The following NAA11 variants were observed in gnomAD, a reference collection of about 807,000 sequenced individuals.
NAA11 encodes N-alpha-acetyltransferase 11, NatA catalytic subunit, also known as N-alpha-acetyltransferase 11.
Under a neutral mutation model 16.1 loss-of-function variants are expected in NAA11, and 15 were observed. The ratio of observed to expected loss-of-function variants is 0.93; its 90% CI spans 0.62 to 1.44. The LOEUF (loss-of-function observed/expected upper bound fraction) is 1.44, where lower values mean the gene tolerates loss of function less well. NAA11 is among the 40% of genes most tolerant of loss of function. The pLI is 0.00. For missense variants in NAA11, 298 were observed against 291.3 expected (o/e 1.02, Z -0.17); for synonymous variants, 122 against 112.4 (o/e 1.09, Z -0.54).
chr4:79,305,306 T>C (rs1393744668), intron 1 of NAA11: 1 of 152,206 alleles, frequency 6.6e-6, no homozygotes, highest in Non-Finnish European at 1.5e-5. Context: ...TATCCAAAAA[T>C]CTTGGAAAAC....
downstream of NAA11, among the ~76,000 whole-genome samples, chr4:79,314,517 A>G (rs114427005): frequency 6.0e-3 from 909 of 152,162 alleles, 8 homozygotes; most frequent in African/African-American, 0.021. Context: ...CACCCAGGTG[A>G]TTCCGATGCA....
chr4:79,200,249 G>A, the NAA11 span, among the ~76,000 whole-genome samples: 145 of 151,860 alleles, frequency 9.5e-4, no homozygotes, highest in African/African-American at 3.3e-3. Context: ...GATTAAATAA[G>A]TTAATATACC....
chr4:79,314,155 C>T (rs1415966883), downstream of NAA11, among the ~76,000 whole-genome samples: 3 of 152,152 alleles, frequency 2.0e-5, no homozygotes, highest in African/African-American at 4.8e-5. Flanking sequence ...AATGTTCACA[C>T]GTACTTTTAA....
chr4:79,311,216 G>A (rs1723760908), intron 1 of NAA11, among the ~76,000 whole-genome samples: 1 of 151,870 alleles, frequency 6.6e-6, no homozygotes, highest in South Asian at 2.1e-4. Flanking sequence ...GAATTGTACT[G>A]GCATGCAAAA....
chr4:79,198,097 TTTGTTA>T, the NAA11 span, among the ~76,000 whole-genome samples: 10 of 152,046 alleles, frequency 6.6e-5, no homozygotes, highest in Admixed American at 3.3e-4. Context: ...TCCCAAGTAG[TTTGTTA>T]AACAGATCTC....
At chr4:79,173,340 T>A in the NAA11 span, among the ~76,000 whole-genome samples, 1 of 152,036 alleles carries the variant, frequency 6.6e-6, no homozygotes, top group Non-Finnish European at 1.5e-5. Flanking sequence ...TACATGGTGG[T>A]ACTCTACGGT....
chr4:79,169,793 A>AG, the NAA11 span, among the ~76,000 whole-genome samples: 1 of 152,148 alleles, frequency 6.6e-6, no homozygotes, highest in African/African-American at 2.4e-5. Flanking sequence ...AACAACACCA[A>AG]GGGGAACATC....
chr4:79,316,123 T>A (rs1430259253), downstream of NAA11, among the ~76,000 whole-genome samples: 1 of 152,196 alleles, frequency 6.6e-6, no homozygotes, highest in Non-Finnish European at 1.5e-5. Flanking sequence ...TTTCTCCATC[T>A]GCTAAGCTGT....
At chr4:79,221,983 T>C (rs539240099), downstream of NAA11, among the ~76,000 whole-genome samples, 148 of 145,922 alleles carry the variant, frequency 1.0e-3, 1 homozygote, top group African/African-American at 3.3e-3. Context: ...TGGTAGAATT[T>C]GGCTGTGAAT....
chr4:79,172,700 C>T, the NAA11 span, among the ~76,000 whole-genome samples: 4 of 152,006 alleles, frequency 2.6e-5, no homozygotes, highest in Admixed American at 6.6e-5. Flanking sequence ...CCATATCCTT[C>T]GCTCTTCTCT....
intron 2 of NAA11, among the ~76,000 whole-genome samples, chr4:79,275,934 AG>A (rs1028759340): frequency 2.6e-5 from 4 of 152,130 alleles, no homozygotes; most frequent in African/African-American, 4.8e-5. Flanking sequence ...CTTACAAAAT[AG>A]GGGGAGGAGA....
chr4:79,243,462 C>A (rs1469104066), intron 2 of NAA11, among the ~76,000 whole-genome samples: 2 of 152,224 alleles, frequency 1.3e-5, no homozygotes, highest in African/African-American at 4.8e-5. Flanking sequence ...TTATCTCGTT[C>A]ATTTTTTGAA....
At chr4:79,173,790 G>A in the NAA11 span, among the ~76,000 whole-genome samples, 2 of 152,112 alleles carry the variant, frequency 1.3e-5, no homozygotes, top group African/African-American at 4.8e-5. Context: ...GACAATGTTA[G>A]CTTTATTTCT....
At chr4:79,228,841 T>A (rs1044138039) in intron 2 of NAA11, among the ~76,000 whole-genome samples, 6 of 152,074 alleles carry the variant, frequency 3.9e-5, no homozygotes, top group Non-Finnish European at 5.9e-5. Flanking sequence ...GTAGAATTAC[T>A]GAATTATATG....
intron 1 of NAA11, among the ~76,000 whole-genome samples, chr4:79,300,173 A>T (rs1395532844): frequency 1.3e-5 from 2 of 152,204 alleles, no homozygotes. Context: ...CATTCACTGG[A>T]TGTAGGCAAT....
intron 1 of NAA11, among the ~76,000 whole-genome samples, chr4:79,307,445 AT>A (rs200669891): frequency 0.01 from 1,562 of 151,796 alleles, 29 homozygotes; most frequent in African/African-American, 0.036. Context: ...TTGGCTGAGG[AT>A]TTTTTTTTAT....
chr4:79,197,976 C>T, the NAA11 span, among the ~76,000 whole-genome samples: 1 of 69,334 alleles, frequency 1.4e-5, no homozygotes, highest in Non-Finnish European at 3.5e-5. Context: ...TAACTTTAAG[C>T]AGATTTAAAG....
At chr4:79,158,368 CA>C in the NAA11 span, among the ~76,000 whole-genome samples, 2 of 151,902 alleles carry the variant, frequency 1.3e-5, no homozygotes, top group African/African-American at 4.8e-5. Flanking sequence ...ACAATAGGTG[CA>C]AAAAACCCCC....
downstream of NAA11, among the ~76,000 whole-genome samples, chr4:79,223,564 T>G (rs1335659842): frequency 2.0e-5 from 3 of 150,580 alleles, no homozygotes; most frequent in Middle Eastern, 3.2e-3. Flanking sequence ...GTTAGTGGGT[T>G]CAGCGCACCA....
Sources: allele counts gnomAD v4.1 joint callset (sites outside exome capture counted in the v4.1 genomes callset), GRCh38; gene constraint gnomAD v4.1.1; transcripts MANE v1.5; gene names NCBI Gene and HGNC (gene_info 2026-07-23, HGNC 2026-07-21).